The following EXD1 variants were observed in gnomAD, a reference collection of about 807,000 sequenced individuals.
EXD1 encodes exonuclease 3'-5' domain containing 1, also known as piRNA biogenesis protein EXD1.
Under a neutral mutation model 49.1 loss-of-function variants are expected in EXD1, and 63 were observed. The observed-to-expected ratio is 1.28, with a 90% CI of 1.05 to 1.58. EXD1 has a LOEUF of 1.58. EXD1 is among the 40% of genes most tolerant of loss of function. EXD1 has a pLI of 0.00. For synonymous variants in EXD1, 234 were observed against 239.2 expected (o/e 0.98, Z 0.20); for missense variants, 748 against 666.0 (o/e 1.12, Z -1.36).
At chr15:41,214,194 T>C (rs1370509063) in intron 6 of EXD1, among the ~76,000 whole-genome samples, 1 of 151,738 alleles carries the variant, frequency 6.6e-6, no homozygotes, top group Non-Finnish European at 1.5e-5. Context: ...AAAAACCTTT[T>C]GATAGCTAAC....
At chr15:41,213,515 TG>T (rs1233280616) in intron 6 of EXD1, among the ~76,000 whole-genome samples, 2 of 143,572 alleles carry the variant, frequency 1.4e-5, no homozygotes, top group South Asian at 2.1e-4. Context: ...TGTTTTGTTT[TG>T]TTTTGTTTTG....
chr15:41,190,612 C>G (rs918537319), intron 10 of EXD1, among the ~76,000 whole-genome samples: 9 of 152,216 alleles, frequency 5.9e-5, no homozygotes, highest in African/African-American at 2.2e-4. Flanking sequence ...TGCTTGCACA[C>G]ATACTCCTAC....
chr15:41,226,568 G>A lies in EXD1; in HGVS notation c.8C>T (p.Pro3Leu), dbSNP rs2047167671. Reference protein sequence around the residue: MDPSSDYHFLSQI... With the variant: MDLSSDYHFLSQI... ...GCTGAGGAAATGGTAGTCACTGCTG[G>A]GGTCCATGCTAATTGATTCCAAAAG... Residue 3 changes from proline to leucine, a missense_variant, in exon 2 of 12, where the codon CCC becomes CTC. By Grantham distance (98) the Pro-to-Leu change is moderately conservative. Transcript: ENST00000458580. The A allele has an allele frequency of 1.3e-6, 2 of 1,535,628 alleles. No homozygotes were observed. The highest frequency in any genetic ancestry group is 4.9e-5 in the East Asian group (2 of 40,908).
At chr15:41,198,771 T>C (rs1162284748) in intron 7 of EXD1, among the ~76,000 whole-genome samples, 2 of 151,858 alleles carry the variant, frequency 1.3e-5, no homozygotes, top group African/African-American at 4.8e-5. Flanking sequence ...AATGGTACAA[T>C]CTCGGCTCAC....
intron 11 of EXD1, among the ~76,000 whole-genome samples, chr15:41,187,032 G>A (rs1051785291): frequency 6.6e-6 from 1 of 151,876 alleles, no homozygotes; most frequent in African/African-American, 2.4e-5. Context: ...TTACAGGCAT[G>A]CGCCACCATG....
chr15:41,196,046 G>A lies in EXD1; in HGVS notation c.535-9C>T. Reference sequence around the variant, plus strand: ...CGGCAATTTGTGGCCACCTACAATAGACCATCCAGACACACATACCATAGG... The same window carrying A: ...CGGCAATTTGTGGCCACCTACAATAAACCATCCAGACACACATACCATAGG... On this transcript the variant is annotated splice_polypyrimidine_tract_variant and intron_variant, in intron 7 of 11. Coordinates refer to ENST00000458580, the MANE Select transcript of EXD1 (RefSeq NM_001286441.2). 1 of 1,602,044 alleles carries A rather than the reference G, an allele frequency of 6.2e-7. No homozygotes were observed. The highest frequency in any genetic ancestry group is 8.5e-7 in the Non-Finnish European group (1 of 1,173,412).
intron 6 of EXD1, among the ~76,000 whole-genome samples, chr15:41,213,718 A>G (rs1036691523): frequency 1.3e-5 from 2 of 151,936 alleles, no homozygotes; most frequent in African/African-American, 4.8e-5. Flanking sequence ...AGGCTGTTTT[A>G]GTGGTTGCCA....
intron 11 of EXD1, among the ~76,000 whole-genome samples, chr15:41,187,082 C>T (rs771197924): frequency 2.0e-5 from 3 of 151,268 alleles, no homozygotes; most frequent in Non-Finnish European, 4.4e-5. Context: ...TATGGTTTCT[C>T]TATGTTGGTC....
chr15:41,202,073 C>T (rs1335626727), intron 7 of EXD1, among the ~76,000 whole-genome samples: 2 of 151,996 alleles, frequency 1.3e-5, no homozygotes, highest in Non-Finnish European at 2.9e-5. Flanking sequence ...GATGCCACTT[C>T]TGTCATTTCA....
intron 2 of EXD1, among the ~76,000 whole-genome samples, chr15:41,223,419 C>A (rs1326420336): frequency 6.7e-6 from 1 of 150,282 alleles, no homozygotes; most frequent in Admixed American, 6.6e-5. Context: ...GACTCTGTGT[C>A]AAAAAAAATT....
intron 9 of EXD1, among the ~76,000 whole-genome samples, chr15:41,192,617 T>A (rs1342671170): frequency 6.3e-5 from 6 of 95,294 alleles, no homozygotes; most frequent in East Asian, 5.8e-4. Context: ...TTTTTTTTTT[T>A]TTTTTTTTTT....
Position 41,218,796 on chromosome 15 carries a change from G to T in EXD1, c.202+1034C>A, listed in dbSNP as rs116716862. Among the ~76,000 whole-genome samples the T allele has an allele frequency of 1.5e-3, 231 of 152,298 alleles. 1 individual carries two copies. Among genetic ancestry groups the T allele is most frequent in the African/African-American group, 5.4e-3 (224 of 41,564 alleles). On this transcript the variant is annotated intron_variant, in intron 3 of 11. Coordinates refer to ENST00000458580, the MANE Select transcript of EXD1 (RefSeq NM_001286441.2). ...GAGTGTTCATGACAGCATACTCAAT[G>T]AGAAAGAAATATGTAGCTGTCCAGA...
intron 3 of EXD1, 130 bp from the exon 4 acceptor site, chr15:41,217,284 A>T: frequency 2.8e-6 from 2 of 719,502 alleles, no homozygotes; most frequent in South Asian, 3.6e-5. Context: ...TAGTCCACGG[A>T]GGCTTTTACT....
At chr15:41,224,290 TG>T (rs1210291668) in intron 2 of EXD1, among the ~76,000 whole-genome samples, 2 of 152,176 alleles carry the variant, frequency 1.3e-5, no homozygotes, top group African/African-American at 4.8e-5. Context: ...TATGTGTCCG[TG>T]GTACCAAGCG....
intron 7 of EXD1, among the ~76,000 whole-genome samples, chr15:41,208,411 C>A (rs1271333774): frequency 6.7e-6 from 1 of 148,480 alleles, no homozygotes; most frequent in African/African-American, 2.5e-5. Flanking sequence ...AAGAGGGACC[C>A]AAAAGCTATC....
In EXD1 at chr15:41,184,588, T is replaced by C. The variant is rs747758287; in HGVS notation, c.1062A>G (p.Thr354=). The change falls in exon 12 of 12, where the codon ACA becomes ACG. Residue 354 remains threonine (T), a synonymous_variant. Coordinates refer to ENST00000458580, the MANE Select transcript of EXD1 (RefSeq NM_001286441.2). ...GCAGTTCCTCTGGCAGCTCCATACATGTAGGCTAAGAAGAGAAAGCGAACA... is the reference window on the plus strand; with the variant it reads ...GCAGTTCCTCTGGCAGCTCCATACACGTAGGCTAAGAAGAGAAAGCGAACA... The part of the protein sequence containing the change: ...SADRLGGTEP[T]CMELPEELLQ... 6.3e-7 allele frequency: 1 copy of C among 1,579,968 alleles called. No homozygotes were observed. The highest frequency in any genetic ancestry group is 8.6e-7 in the Non-Finnish European group (1 of 1,168,370).
chr15:41,185,057 T>C (rs2046387136), intron 11 of EXD1, among the ~76,000 whole-genome samples: 1 of 152,144 alleles, frequency 6.6e-6, no homozygotes, highest in Non-Finnish European at 1.5e-5. Flanking sequence ...GTAGTATCAT[T>C]TTTCTAGTAA....
rs1441782524 is a variant in EXD1 at position 41,189,825 on chromosome 15, TC to T, written c.1056+111del. 72 of 1,032,514 alleles carry T rather than the reference TC, an allele frequency of 7.0e-5. No homozygotes were observed. In the East Asian group the frequency reaches 1.7e-3, roughly 25 times the overall value. The allele number at this position is 1,032,514 out of a possible 1,614,324, so 64.0% of individuals were successfully genotyped here. On this transcript the variant is annotated intron_variant, in intron 11 of 11. Coordinates refer to ENST00000458580, the MANE Select transcript of EXD1 (RefSeq NM_001286441.2). ...GCTGTTGCCCCTTCAAGAGTATTTA[TC>T]CCCAAGTTGACCCCATGAAAACTAT...
chr15:41,191,698 C>A, intron 9 of EXD1, 113 bp from the exon 10 acceptor site: 1 of 947,370 alleles, frequency 1.1e-6, no homozygotes, highest in East Asian at 2.7e-5. Context: ...AGGACCCACA[C>A]GATAGACCAT....
Sources: gnomAD v4.1 joint callset for allele counts (sites outside exome capture counted in the v4.1 genomes callset) on GRCh38, gnomAD v4.1.1 for gene constraint, MANE v1.5 for transcripts, NCBI Gene and HGNC (gene_info 2026-07-23, HGNC 2026-07-21) for gene names.